Variants in RBM19 observed in about 807,000 individuals in gnomAD.
RBM19 encodes the protein RNA binding motif protein 19.
RBM19 carries 94 observed loss-of-function variants against 116.8 expected under a neutral mutation model. The ratio of observed to expected loss-of-function variants is 0.80; its 90% CI spans 0.68 to 0.95. RBM19 has a LOEUF of 0.95. RBM19 is among the 40% of genes least tolerant of loss of function. RBM19 has a pLI of 0.00. For synonymous variants in RBM19, 475 were observed against 494.1 expected, an observed-to-expected ratio of 0.96 and a Z score of 0.51; for missense variants, 1,161 against 1,220.7, an observed-to-expected ratio of 0.95 and a Z score of 0.73.
intron 1 of RBM19, among the ~76,000 whole-genome samples, chr12:113,963,248 T>G (rs999253172): frequency 1.3e-5 from 2 of 152,218 alleles, no homozygotes; most frequent in Admixed American, 6.5e-5. Context: ...ACTAAAAAAC[T>G]AACACACTAT....
At position 113,899,853 on chromosome 12, in the gene RBM19, C is replaced by G. The variant is rs7310281; in HGVS notation, c.2558+15116G>C. Among the ~76,000 whole-genome samples the G allele has an allele frequency of 5.5e-3, 844 of 152,220 alleles. 6 individuals are homozygous for G. Among genetic ancestry groups the G allele is most frequent in the African/African-American group, 0.019 (789 of 41,538 alleles). On this transcript the variant is annotated intron_variant, in intron 21 of 23. Coordinates refer to ENST00000261741, the MANE Select transcript of RBM19 (RefSeq NM_016196.4). ...AAGACATGGCGCGCAATTATCAGCT[C>G]CAACAATGAGCCAACGGCGGCCCTC...
At chr12:113,929,227 G>A (rs146937148) in intron 16 of RBM19, among the ~76,000 whole-genome samples, 1 of 152,306 alleles carries the variant, frequency 6.6e-6, no homozygotes, top group African/African-American at 2.4e-5. Flanking sequence ...GCCTCTGTCT[G>A]TCCTGCCCTT....
At position 113,880,084 on chromosome 12, in the gene RBM19, A is replaced by G. The variant is rs371025184; in HGVS notation, c.2559-21188T>C. On this transcript the variant is annotated intron_variant, in intron 21 of 23. Coordinates refer to ENST00000261741, the MANE Select transcript of RBM19 (RefSeq NM_016196.4). ...CCCGGGGGTGGTGATGAAGGCCACTAGATAAAATGAAGAAGGCCCACTTAA... is the reference window on the plus strand; with the variant it reads ...CCCGGGGGTGGTGATGAAGGCCACTGGATAAAATGAAGAAGGCCCACTTAA... 1.3e-4 allele frequency among the ~76,000 whole-genome samples: 19 copies of G among 151,720 alleles called. No individual in the cohort carries two copies. The South Asian group carries it at 4.0e-3, about 32-fold the overall frequency.
chr12:113,863,234 TGTGG>T (rs965159492), intron 21 of RBM19, among the ~76,000 whole-genome samples: 4 of 150,170 alleles, frequency 2.7e-5, no homozygotes, highest in African/African-American at 1.0e-4. Context: ...TGTGTGTGTG[TGTGG>T]GGCCAGCGTA....
intron 7 of RBM19, among the ~76,000 whole-genome samples, chr12:113,954,428 T>C (rs1436079392): frequency 2.0e-5 from 3 of 152,192 alleles, no homozygotes; most frequent in African/African-American, 7.2e-5. Flanking sequence ...AGGGCAGCCC[T>C]AGTTTGCCTG....
Position 113,946,491 on chromosome 12 carries a change from G to A in RBM19, c.1408-16C>T, listed in dbSNP as rs572231529. 54 of 1,614,016 alleles carry A rather than the reference G, an allele frequency of 3.3e-5. No homozygotes were observed. In the South Asian group the frequency reaches 3.7e-4, roughly 11 times the overall value. On this transcript the variant is annotated splice_polypyrimidine_tract_variant and intron_variant, in intron 11 of 23. Coordinates refer to ENST00000261741, the MANE Select transcript of RBM19 (RefSeq NM_016196.4). ...GCATCCTGCCCTGGATGGGAATGAC[G>A]GGAAGGGAGTAAACAGAAGCCTTGC...
At chr12:113,940,236 G>A (rs1034662568) in intron 14 of RBM19, 76 bp from the exon 15 acceptor site, 4 of 1,455,212 alleles carry the variant, frequency 2.7e-6, no homozygotes, top group Non-Finnish European at 3.8e-6. Flanking sequence ...AGGGATCGTG[G>A]GGCTCTCCAG....
intron 21 of RBM19, among the ~76,000 whole-genome samples, chr12:113,859,124 T>C (rs896993876): frequency 2.6e-5 from 4 of 152,164 alleles, no homozygotes; most frequent in African/African-American, 9.7e-5. Flanking sequence ...GAGATGTGAA[T>C]GGAGAATTTT....
At chr12:113,830,662 C>A (rs560939351) in intron 23 of RBM19, among the ~76,000 whole-genome samples, 9 of 146,298 alleles carry the variant, frequency 6.2e-5, no homozygotes, top group Non-Finnish European at 1.5e-5. Context: ...CAGACCTGTG[C>A]GGCTGGGAAG....
chr12:113,943,281 G>A (rs1421572969), intron 13 of RBM19, among the ~76,000 whole-genome samples: 1 of 152,124 alleles, frequency 6.6e-6, no homozygotes, highest in Non-Finnish European at 1.5e-5. Context: ...TGTTTTGGGG[G>A]TTGCTGCATT....
chr12:113,932,787 G>C (rs1869716769), intron 16 of RBM19: 1 of 152,244 alleles, frequency 6.6e-6, no homozygotes, highest in Non-Finnish European at 1.5e-5. Context: ...CAGAAAAAGA[G>C]GGAAGAAGTG....
rs114247862 is a variant in RBM19 at position 113,831,285 on chromosome 12, A to C, written c.2786-7964T>G. Reference sequence around the variant, plus strand: ...TTTTCTCTCTCTCCTCTCTGTCTACAAAACCCCACTACTTTCATTTGTGGT... The same window carrying C: ...TTTTCTCTCTCTCCTCTCTGTCTACCAAACCCCACTACTTTCATTTGTGGT... On this transcript the variant is annotated intron_variant, in intron 23 of 23. Coordinates refer to ENST00000261741, the MANE Select transcript of RBM19 (RefSeq NM_016196.4). Among the ~76,000 whole-genome samples the C allele has an allele frequency of 6.8e-3, 1,033 of 152,334 alleles. 18 individuals are homozygous for C. Among genetic ancestry groups the C allele is most frequent in the African/African-American group, 0.023 (941 of 41,568 alleles).
chr12:113,907,805 C>A (rs963578664), intron 21 of RBM19, among the ~76,000 whole-genome samples: 1 of 152,168 alleles, frequency 6.6e-6, no homozygotes, highest in African/African-American at 2.4e-5. Flanking sequence ...CCAGCCAGGG[C>A]CAGAGCATCG....
chr12:113,909,869 T>C (rs147024900), intron 21 of RBM19, among the ~76,000 whole-genome samples: 3 of 152,334 alleles, frequency 2.0e-5, no homozygotes, highest in African/African-American at 7.2e-5. Flanking sequence ...AGCCCGGCAC[T>C]ACGCTAGGCG....
At position 113,927,075 on chromosome 12, in the gene RBM19, T is replaced by C; in HGVS notation, c.2223A>G (p.Thr741=). 6.2e-7 allele frequency: 1 copy of C among 1,613,564 alleles called. No individual in the cohort carries two copies. The highest frequency in any genetic ancestry group is 2.2e-5 in the East Asian group (1 of 44,882). The change falls in exon 17 of 24, where the codon ACA becomes ACG. Residue 741 remains threonine, a synonymous_variant. Coordinates refer to ENST00000261741, the MANE Select transcript of RBM19 (RefSeq NM_016196.4). ...TCACTTCCTTCAGCTTCTCTTCTGT[T>C]GTGTCAAAATTGAGATTCTTAATAA... The part of the protein sequence containing the change: ...TLFIKNLNFD[T]TEEKLKEVFS...
chr12:113,944,867 G>A (rs936407983), intron 13 of RBM19, among the ~76,000 whole-genome samples: 5 of 148,670 alleles, frequency 3.4e-5, no homozygotes, highest in African/African-American at 7.6e-5. Context: ...ATATAAAAAT[G>A]TATATATATA....
At chr12:113,940,217 G>C in intron 14 of RBM19, 57 bp from the exon 15 acceptor site, 1 of 1,536,776 alleles carries the variant, frequency 6.5e-7, no homozygotes. Flanking sequence ...GTCCCCAGCT[G>C]ACACCAGCAG....
chr12:113,925,563 T>G (rs1197877337), intron 17 of RBM19, among the ~76,000 whole-genome samples: 1 of 152,202 alleles, frequency 6.6e-6, no homozygotes, highest in Non-Finnish European at 1.5e-5. Context: ...GGTAGACTGA[T>G]CGCTACGCAT....
intron 7 of RBM19, among the ~76,000 whole-genome samples, chr12:113,954,354 A>C (rs1452863590): frequency 1.3e-5 from 2 of 152,206 alleles, no homozygotes; most frequent in African/African-American, 4.8e-5. Flanking sequence ...AACAAAAACC[A>C]TCTAAGAAGA....
Sources: gnomAD v4.1 joint callset for allele counts (sites outside exome capture counted in the v4.1 genomes callset) on GRCh38, gnomAD v4.1.1 for gene constraint, MANE v1.5 for transcripts, NCBI Gene and HGNC (gene_info 2026-07-23, HGNC 2026-07-21) for gene names.